The following SF3A1 variants were observed in gnomAD, a reference collection of about 807,000 sequenced individuals.
SF3A1 encodes SAP 114.
In SF3A1, 13 loss-of-function variants were observed where a neutral mutation model predicts 89.9. That is an observed-to-expected ratio of 0.14 (90% CI 0.09 to 0.23). The LOEUF (loss-of-function observed/expected upper bound fraction) is 0.23, where lower values mean the gene tolerates loss of function less well. Among genes scored for constraint, SF3A1 ranks in the 10% least tolerant of loss-of-function variants. The pLI is 1.00. For synonymous variants in SF3A1, 405 were observed against 374.4 expected (o/e 1.08, Z -0.94); for missense variants, 604 against 1,022.1 (o/e 0.59, Z 5.58).
At chr22:30,334,717 T>C (rs1431119934) in intron 15 of SF3A1, 22 bp from the exon 16 acceptor site, 2 of 1,568,112 alleles carry the variant, frequency 1.3e-6, no homozygotes, top group Non-Finnish European at 1.7e-6. Flanking sequence ...ACAGCGTGCC[T>C]TAGCATGGGG....
intron 1 of SF3A1, among the ~76,000 whole-genome samples, chr22:30,356,069 A>G (rs1283090230): frequency 3.9e-5 from 6 of 152,168 alleles, no homozygotes; most frequent in African/African-American, 1.4e-4. Context: ...ATCACACCAT[A>G]CTACAATGGT....
At chr22:30,356,169 A>C (rs746749907) in intron 1 of SF3A1, among the ~76,000 whole-genome samples, 42 of 152,156 alleles carry the variant, frequency 2.8e-4, no homozygotes, top group Admixed American at 5.9e-4. Flanking sequence ...TTTGGTGAGC[A>C]TTCTCATATG....
Position 30,333,805 on chromosome 22 carries a change from C to T in SF3A1, c.*789G>A, listed in dbSNP as rs1006854413. 6.6e-6 allele frequency: 1 copy of T among 152,174 alleles called. No individual in the cohort carries two copies. The highest frequency in any genetic ancestry group is 2.4e-5 in the African/African-American group (1 of 41,426). 9.4% of individuals were successfully genotyped at this position (152,174 alleles called of 1,614,324 possible). On this transcript the variant is annotated 3_prime_UTR_variant, in exon 16 of 16. Transcript: ENST00000215793. Reference sequence around the variant, plus strand: ...AAATACATACATTTTAAAGAAACGTCATCATATCCACACACCTATGAGGCA... The same window carrying T: ...AAATACATACATTTTAAAGAAACGTTATCATATCCACACACCTATGAGGCA...
intron 12 of SF3A1, 26 bp downstream of exon 12, chr22:30,337,664 T>G: frequency 1.0e-6 from 1 of 992,086 alleles, no homozygotes; most frequent in Non-Finnish European, 1.5e-6. Flanking sequence ...ACTAATGGCC[T>G]GGAAAATGAT....
chr22:30,340,515 A>T (rs1931217175), intron 8 of SF3A1, 134 bp from the exon 9 acceptor site: 4 of 969,634 alleles, frequency 4.1e-6, no homozygotes, highest in Non-Finnish European at 4.8e-6. Context: ...TGTGAAAGGC[A>T]CTAGGGCACC....
chr22:30,353,698 A>C (rs1822613787), intron 1 of SF3A1, among the ~76,000 whole-genome samples: 1 of 152,146 alleles, frequency 6.6e-6, no homozygotes, highest in South Asian at 2.1e-4. Flanking sequence ...AGCCCTTTAA[A>C]GGGCTAGGAA....
chr22:30,342,926 G>A (rs757264658), intron 4 of SF3A1, 47 bp from the exon 5 acceptor site: 4 of 1,247,620 alleles, frequency 3.2e-6, no homozygotes, highest in Non-Finnish European at 4.7e-6. Flanking sequence ...TTACAACGCA[G>A]TACAAAGAGG....
chr22:30,344,793 A>T, intron 4 of SF3A1, 140 bp downstream of exon 4: 3 of 959,794 alleles, frequency 3.1e-6, no homozygotes, highest in Non-Finnish European at 4.7e-6. Context: ...GTTTTACATT[A>T]AACTGGGATT....
In SF3A1 at chr22:30,352,982, T is replaced by C. The variant is rs1306907253; in HGVS notation, c.154A>G (p.Ile52Val). 2 of 1,614,072 alleles carry C rather than the reference T, an allele frequency of 1.2e-6. No homozygotes were observed. The highest frequency in any genetic ancestry group is 1.7e-6 in the Non-Finnish European group (2 of 1,180,018). Residue 52 changes from isoleucine to valine, a missense_variant, in exon 2 of 16, where the codon ATT (isoleucine) becomes GTT (valine). By Grantham distance (29) the Ile-to-Val change is conservative (BLOSUM62 3). Around this residue, in one of 9 missense-constraint regions of SF3A1, gnomAD observed 9 missense variants for 48.6 expected, o/e 0.19. Coordinates refer to ENST00000215793, the MANE Select transcript of SF3A1 (RefSeq NM_005877.6). The stretch of plus-strand genomic sequence containing the variant: ...ACAAAGCTGGCAGTCTTGTCAACAA[T>C]ATTTCTGACCTCTGGAGGAGGGTAA... ...IIYPPPEVRNIVDKTASFVAR... is the reference protein window; with the variant it reads ...IIYPPPEVRNVVDKTASFVAR...
Position 30,343,171 on chromosome 22 carries a change from G to A in SF3A1, c.652-292C>T, listed in dbSNP as rs534619520. ...AGCACTAGCCGATTACCCAGAACAC[G>A]GTCAGTATGAGACGGCTGCTTTCAT... On this transcript the variant is annotated intron_variant, in intron 4 of 15. Coordinates refer to ENST00000215793, the MANE Select transcript of SF3A1 (RefSeq NM_005877.6). 4.6e-5 allele frequency among the ~76,000 whole-genome samples: 7 copies of A among 152,228 alleles called. No individual in the cohort carries two copies. The East Asian group carries it at 7.7e-4, about 17-fold the overall frequency.
Position 30,342,225 on chromosome 22 carries a change from T to C in SF3A1, c.852A>G (p.Thr284=), listed in dbSNP as rs765166590. 2.5e-6 allele frequency: 4 copies of C among 1,614,206 alleles called. No homozygotes were observed. The highest frequency in any genetic ancestry group is 2.5e-6 in the Non-Finnish European group (3 of 1,180,030). Residue 284 remains threonine (T), a synonymous_variant, in exon 6 of 16, where the codon ACA becomes ACG. Coordinates refer to ENST00000215793, the MANE Select transcript of SF3A1 (RefSeq NM_005877.6). ...IDWHDFVVVE[T]VDFQPNEQGN... ...CTTGCTCATTGGGTTGGAAGTCCACTGTTTCCACCACCACAAAATCATGCC... is the reference window on the plus strand; with the variant it reads ...CTTGCTCATTGGGTTGGAAGTCCACCGTTTCCACCACCACAAAATCATGCC...
Position 30,337,938 on chromosome 22 carries a change from T to C in SF3A1, c.1744-41A>G, listed in dbSNP as rs557928199. 1.8e-5 allele frequency: 27 copies of C among 1,464,292 alleles called. No individual in the cohort carries two copies. The South Asian group carries it at 1.9e-4, about 10-fold the overall frequency. The allele number at this position is 1,464,292 out of a possible 1,614,324, so 90.7% of individuals were successfully genotyped here. On this transcript the variant is annotated intron_variant, in intron 11 of 15. Coordinates refer to ENST00000215793, the MANE Select transcript of SF3A1 (RefSeq NM_005877.6). ...ACCCACAGATTACAGGAAGCCAAAGTTGGACTCCAAGGTCACACACAGTTG... is the reference window on the plus strand; with the variant it reads ...ACCCACAGATTACAGGAAGCCAAAGCTGGACTCCAAGGTCACACACAGTTG...
chr22:30,353,016 C>T lies in SF3A1; in HGVS notation c.120G>A (p.Val40=). 6.2e-7 allele frequency: 1 copy of T among 1,614,174 alleles called. No homozygotes were observed. The change falls in exon 2 of 16, where the codon GTG becomes GTA. Residue 40 remains valine, a synonymous_variant. Transcript: ENST00000215793. ...CCTCTGGAGGAGGGTAAATAATCCC[C>T]ACAACTGGCTTAGAAGGTGCAGAAT... is the stretch of plus-strand genomic sequence containing the variant. ...KEDSAPSKPV[V]GIIYPPPEVR... is the part of the protein sequence containing the mutation.
chr22:30,345,468 T>A (rs867890873), intron 3 of SF3A1, among the ~76,000 whole-genome samples: 1 of 152,130 alleles, frequency 6.6e-6, no homozygotes, highest in Non-Finnish European at 1.5e-5. Context: ...GGGCCAAAAC[T>A]GGGTGACAGA....
chr22:30,336,892 G>A, intron 13 of SF3A1, 134 bp downstream of exon 13: 1 of 942,596 alleles, frequency 1.1e-6, no homozygotes, highest in Non-Finnish European at 1.7e-6. Flanking sequence ...GAAGCCCTTA[G>A]ATGCCTCCAA....
rs1281194481 is a variant in SF3A1 at position 30,341,734 on chromosome 22, A to G, written c.1029T>C (p.Pro343=). The part of the protein sequence containing the change: ...DDKQEKAEEP[P]SQLDQDTQVQ... ...CTTGGGTGTCCTGGTCCAGCTGGGA[A>G]GGAGGCTCCTCCGCCTTCTCCTGTT... Residue 343 remains proline, a synonymous_variant, in exon 7 of 16, where the codon CCT becomes CCC. Coordinates refer to ENST00000215793, the MANE Select transcript of SF3A1 (RefSeq NM_005877.6). 12 of 1,614,008 alleles carry G rather than the reference A, an allele frequency of 7.4e-6. No homozygotes were observed. The highest frequency in any genetic ancestry group is 1.0e-5 in the Non-Finnish European group (12 of 1,180,016).
intron 12 of SF3A1, 57 bp downstream of exon 12, chr22:30,337,633 T>C (rs1931111641): frequency 3.6e-6 from 3 of 822,612 alleles, no homozygotes; most frequent in Admixed American, 2.1e-5. Context: ...CTGCTGACAG[T>C]ACTTGGCCCG....
In SF3A1 at chr22:30,356,688, G is replaced by A. The variant is rs1931870197; in HGVS notation, c.63+42C>T. The stretch of plus-strand genomic sequence containing the variant: ...TCCTGTGCGAGTAAGGAGCGCCCAG[G>A]CCAACCCTCCGGCTGCAGGCTGAGG... On this transcript the variant is annotated intron_variant, in intron 1 of 15. Transcript: ENST00000215793. 4.9e-6 allele frequency: 7 copies of A among 1,416,574 alleles called. 1 individual carries two copies. Among genetic ancestry groups the A allele is most frequent in the Middle Eastern group, 1.8e-4 (1 of 5,474 alleles). The allele number at this position is 1,416,574 out of a possible 1,614,324, so 87.8% of individuals were successfully genotyped here.
chr22:30,352,667 C>T (rs1240243140), intron 2 of SF3A1: 21 of 306,866 alleles, frequency 6.8e-5, no homozygotes, highest in Non-Finnish European at 3.1e-5. Context: ...CACAGACACA[C>T]ACCATCTGTG....
Sources: gnomAD v4.1 joint callset for allele counts (sites outside exome capture counted in the v4.1 genomes callset) on GRCh38, gnomAD v4.1.1 for gene constraint, gnomAD v4.1.1 regional missense constraint, MANE v1.5 for transcripts, NCBI Gene and HGNC (gene_info 2026-07-23, HGNC 2026-07-21) for gene names.